Variants in TENM3 observed in about 807,000 individuals in gnomAD.
The protein encoded by TENM3 is teneurin transmembrane protein 3, also known as teneurin-3.
A neutral mutation model predicts 255.1 loss-of-function variants in TENM3; 63 were observed. That is an observed-to-expected ratio of 0.25 (90% CI 0.20 to 0.30). The LOEUF is 0.30. Among genes scored for constraint, TENM3 ranks in the 10% least tolerant of loss-of-function variants. The probability of loss-of-function intolerance (pLI) is 1.00; values close to 1 mark genes in which losing one functional copy is unlikely to be tolerated. For synonymous variants in TENM3, 1,306 were observed against 1,322.3 expected, an observed-to-expected ratio of 0.99 and a Z score of 0.27; for missense variants, 2,929 against 3,461.1, an observed-to-expected ratio of 0.85 and a Z score of 3.86.
chr4:181,591,728 G>C, the TENM3 span, among the ~76,000 whole-genome samples: 4 of 152,152 alleles, frequency 2.6e-5, no homozygotes, highest in Non-Finnish European at 4.4e-5. Context: ...AGGGATCCAG[G>C]TTGCACACTC....
the TENM3 span, among the ~76,000 whole-genome samples, chr4:181,931,685 CA>C: frequency 2.6e-5 from 4 of 151,910 alleles, no homozygotes; most frequent in East Asian, 5.8e-4. Context: ...CATATGGAAC[CA>C]AAAAAAGAGT....
chr4:182,387,518 G>C (rs898246715), intron 3 of TENM3, among the ~76,000 whole-genome samples: 9 of 152,176 alleles, frequency 5.9e-5, no homozygotes, highest in African/African-American at 2.2e-4. Context: ...GGAGCCAGCA[G>C]TGGCAACACG....
the TENM3 span, among the ~76,000 whole-genome samples, chr4:181,523,944 T>A: frequency 6.6e-6 from 1 of 152,198 alleles, no homozygotes; most frequent in Non-Finnish European, 1.5e-5. Flanking sequence ...AACAAGTCTT[T>A]GTTGGTTTCC....
upstream of TENM3, among the ~76,000 whole-genome samples, chr4:182,241,832 C>G (rs1015590436): frequency 1.3e-5 from 2 of 151,982 alleles, no homozygotes; most frequent in African/African-American, 4.8e-5. Context: ...TTTTTCCAGA[C>G]AGGTAAAATG....
intron 1 of TENM3, among the ~76,000 whole-genome samples, chr4:182,156,955 A>G (rs1310254171): frequency 6.6e-6 from 1 of 152,190 alleles, no homozygotes; most frequent in Non-Finnish European, 1.5e-5. Flanking sequence ...ACTGATAGTA[A>G]TTAAAGTTAT....
intron 3 of TENM3, among the ~76,000 whole-genome samples, chr4:182,543,171 A>G (rs368157729): frequency 1.3e-5 from 2 of 151,942 alleles, no homozygotes; most frequent in African/African-American, 2.4e-5. Flanking sequence ...GGATGGATGC[A>G]TGGATGCAAG....
At chr4:181,543,391 C>A in the TENM3 span, among the ~76,000 whole-genome samples, 3 of 152,002 alleles carry the variant, frequency 2.0e-5, no homozygotes, top group Non-Finnish European at 2.9e-5. Context: ...AAGGAGGTGG[C>A]AGATGAACAA....
At chr4:182,322,822 G>T (rs984741602) in intron 1 of TENM3, among the ~76,000 whole-genome samples, 9 of 152,140 alleles carry the variant, frequency 5.9e-5, no homozygotes. Flanking sequence ...TATCTCAACA[G>T]CGGTCACGGC....
At chr4:182,358,625 CA>C (rs1326562746) in intron 3 of TENM3, among the ~76,000 whole-genome samples, 1 of 151,568 alleles carries the variant, frequency 6.6e-6, no homozygotes, top group East Asian at 1.9e-4. Context: ...TGGGCTGAGA[CA>C]ATGGGGTTTT....
chr4:182,308,944 C>A (rs1209645049), intron 1 of TENM3, among the ~76,000 whole-genome samples: 2 of 152,142 alleles, frequency 1.3e-5, no homozygotes, highest in African/African-American at 4.8e-5. Context: ...AGAATGGAAT[C>A]CTCCGAGTAA....
At chr4:182,411,254 T>A (rs908825557) in intron 3 of TENM3, among the ~76,000 whole-genome samples, 2 of 152,226 alleles carry the variant, frequency 1.3e-5, no homozygotes, top group African/African-American at 2.4e-5. Flanking sequence ...TGATAGTAAC[T>A]AACAAGATAA....
chr4:181,864,944 G>T, the TENM3 span, among the ~76,000 whole-genome samples: 1 of 152,202 alleles, frequency 6.6e-6, no homozygotes, highest in Non-Finnish European at 1.5e-5. Flanking sequence ...CTATGGCTCA[G>T]ATAAAGGCTT....
chr4:181,625,636 C>A, the TENM3 span, among the ~76,000 whole-genome samples: 1 of 151,958 alleles, frequency 6.6e-6, no homozygotes, highest in African/African-American at 2.4e-5. Context: ...CACGATGAAA[C>A]CCCGTCTCTA....
the TENM3 span, among the ~76,000 whole-genome samples, chr4:181,595,228 C>T: frequency 6.6e-6 from 1 of 151,792 alleles, no homozygotes; most frequent in Non-Finnish European, 1.5e-5. Context: ...GTCAGGAGTT[C>T]GAGATCAGCC....
intron 1 of TENM3, among the ~76,000 whole-genome samples, chr4:182,222,687 C>T (rs1056225553): frequency 2.6e-5 from 4 of 152,196 alleles, no homozygotes; most frequent in South Asian, 2.1e-4. Flanking sequence ...TACATTTATT[C>T]AGAACCTCTC....
rs562972046 is a variant in TENM3 at position 182,151,814 on chromosome 4, G to A, written c.-76+7060G>A. Among the ~76,000 whole-genome samples the A allele has an allele frequency of 7.2e-5, 11 of 152,048 alleles. No individual in the cohort carries two copies. The South Asian group carries it at 2.3e-3, about 31-fold the overall frequency. ...ATTTTGTGTAATGATGAGAATAGTT[G>A]TGTAGGTTAAAATACTGCAAATAAT... On this transcript the variant is annotated intron_variant, in intron 1 of 2. Coordinates refer to the TENM3 transcript ENST00000512480.
chr4:182,391,242 A>G (rs1348146460), intron 3 of TENM3, among the ~76,000 whole-genome samples: 1 of 152,134 alleles, frequency 6.6e-6, no homozygotes, highest in Non-Finnish European at 1.5e-5. Context: ...CCCATGACTG[A>G]GAAGAGGGCA....
At chr4:181,726,653 C>G in the TENM3 span, among the ~76,000 whole-genome samples, 1 of 152,154 alleles carries the variant, frequency 6.6e-6, no homozygotes, top group Non-Finnish European at 1.5e-5. Flanking sequence ...GGGTTTCTCC[C>G]CACCAGCAAG....
chr4:182,193,291 A>G (rs578115060), intron 1 of TENM3, among the ~76,000 whole-genome samples: 2 of 152,308 alleles, frequency 1.3e-5, no homozygotes, highest in South Asian at 4.1e-4. Flanking sequence ...ATTCAGACTG[A>G]CTGTGTTTCC....
Sources: gnomAD v4.1 joint callset for allele counts (sites outside exome capture counted in the v4.1 genomes callset) on GRCh38, gnomAD v4.1.1 for gene constraint, MANE v1.5 for transcripts, NCBI Gene and HGNC (gene_info 2026-07-23, HGNC 2026-07-21) for gene names.